DPYD: variants seen among roughly 807,000 people sequenced by gnomAD.
DPYD encodes the protein dihydropyrimidine dehydrogenase.
A neutral mutation model predicts 116.2 loss-of-function variants in DPYD; 109 were observed. The ratio of observed to expected loss-of-function variants is 0.94; its 90% CI spans 0.80 to 1.10. DPYD has a LOEUF of 1.10. DPYD is among the 50% of genes least tolerant of loss of function. DPYD has a pLI of 0.00. For synonymous variants in DPYD, 440 were observed against 432.0 expected, an observed-to-expected ratio of 1.02 and a Z score of -0.23; for missense variants, 1,302 against 1,254.5, an observed-to-expected ratio of 1.04 and a Z score of -0.57.
chr1:97,382,189 T>A (rs536331097), intron 15 of DPYD, among the ~76,000 whole-genome samples: 1 of 152,328 alleles, frequency 6.6e-6, no homozygotes, highest in African/African-American at 2.4e-5. Flanking sequence ...GGGACCGCTT[T>A]TATAGAATAA....
chr1:97,337,280 C>T (rs79132726), intron 16 of DPYD, among the ~76,000 whole-genome samples: 9,746 of 152,184 alleles, frequency 0.064, 418 homozygotes, highest in African/African-American at 0.12. Context: ...AAGTTTGTCT[C>T]CGAAAGGAGA....
At chr1:97,208,076 G>A (rs1283807863) in intron 19 of DPYD, among the ~76,000 whole-genome samples, 1 of 152,126 alleles carries the variant, frequency 6.6e-6, no homozygotes, top group Admixed American at 6.6e-5. Context: ...TGTTTGCTGG[G>A]AATGTAGCCA....
rs530783098 is a variant in DPYD, at chr1:97,704,263, T to C, written c.484-4716A>G. On this transcript the variant is annotated intron_variant, in intron 5 of 22. Coordinates refer to ENST00000370192, the MANE Select transcript of DPYD (RefSeq NM_000110.4). ...AATAAATAGCTCCAAAAATATTTTG[T>C]GGGTGAATGGGGGGTAGTGATTTGT... is the stretch of plus-strand genomic sequence containing the variant. 2.6e-5 allele frequency among the ~76,000 whole-genome samples: 4 copies of C among 152,106 alleles called. No individual in the cohort carries two copies. In the East Asian group the frequency reaches 7.7e-4, roughly 29 times the overall value.
At chr1:97,307,608 T>C (rs1667249354) in intron 16 of DPYD, among the ~76,000 whole-genome samples, 1 of 151,922 alleles carries the variant, frequency 6.6e-6, no homozygotes, top group South Asian at 2.1e-4. Context: ...AAGAAGTCTT[T>C]GGCTTGGCTT....
intron 18 of DPYD, among the ~76,000 whole-genome samples, chr1:97,238,626 T>C (rs1471632347): frequency 6.6e-6 from 1 of 152,154 alleles, no homozygotes; most frequent in Non-Finnish European, 1.5e-5. Flanking sequence ...TCATAAAGAC[T>C]TCCTGAATTA....
chr1:97,216,500 G>T (rs994591658), intron 19 of DPYD, among the ~76,000 whole-genome samples: 37 of 152,194 alleles, frequency 2.4e-4, no homozygotes, highest in African/African-American at 8.4e-4. Flanking sequence ...TTATTTTTAA[G>T]TGTGTGAGAG....
At chr1:97,876,541 C>G (rs557192721) in intron 2 of DPYD, among the ~76,000 whole-genome samples, 1 of 151,980 alleles carries the variant, frequency 6.6e-6, no homozygotes, top group African/African-American at 2.4e-5. Flanking sequence ...CATCTCTCCC[C>G]ACTCCAACAG....
intron 3 of DPYD, among the ~76,000 whole-genome samples, chr1:97,753,040 CATT>C (rs1444202706): frequency 6.6e-6 from 1 of 152,016 alleles, no homozygotes; most frequent in Non-Finnish European, 1.5e-5. Context: ...ATAATTTAAA[CATT>C]ATATTTAATT....
At chr1:97,173,305 T>TATATGCACACATATATACAC (rs1557911770) in intron 20 of DPYD, among the ~76,000 whole-genome samples, 2 of 140,372 alleles carry the variant, frequency 1.4e-5, no homozygotes, top group Middle Eastern at 3.7e-3. Flanking sequence ...CATATGTACA[T>TATATGCACACATATATACAC]ATATATGCAC....
rs1225006086 is a variant in DPYD at position 97,489,834 on chromosome 1, A to G, written c.1740+25892T>C. On this transcript the variant is annotated intron_variant, in intron 13 of 22. Coordinates refer to ENST00000370192, the MANE Select transcript of DPYD (RefSeq NM_000110.4). The stretch of plus-strand genomic sequence containing the variant: ...TGGCACAAAGTCCCATAGCTAATAA[A>G]TTGCAGAGGTGGGATTATTCATTAG... 2.0e-5 allele frequency among the ~76,000 whole-genome samples: 3 copies of G among 152,202 alleles called. No individual in the cohort carries two copies. In the South Asian group the frequency reaches 6.2e-4, roughly 31 times the overall value.
intron 16 of DPYD, among the ~76,000 whole-genome samples, chr1:97,361,212 G>T (rs1670706844): frequency 6.6e-6 from 1 of 152,138 alleles, no homozygotes; most frequent in South Asian, 2.1e-4. Flanking sequence ...AGAAGAAATG[G>T]ATAAATTCCT....
intron 8 of DPYD, among the ~76,000 whole-genome samples, chr1:97,662,093 C>T (rs1393797045): frequency 6.6e-6 from 1 of 150,532 alleles, no homozygotes; most frequent in Non-Finnish European, 1.5e-5. Context: ...CTCCGCCTCC[C>T]AGGTTCACGC....
At chr1:97,193,879 T>C (rs1161169921) in intron 19 of DPYD, among the ~76,000 whole-genome samples, 1 of 152,178 alleles carries the variant, frequency 6.6e-6, no homozygotes, top group African/African-American at 2.4e-5. Flanking sequence ...TTTCCACACA[T>C]GGCTAACTAC....
At chr1:97,531,955 A>G (rs1649657428) in intron 12 of DPYD, among the ~76,000 whole-genome samples, 1 of 151,966 alleles carries the variant, frequency 6.6e-6, no homozygotes, top group Non-Finnish European at 1.5e-5. Flanking sequence ...TGCTTTTTGT[A>G]TGTTGATTTG....
chr1:97,255,492 C>T (rs1349530267), intron 18 of DPYD, among the ~76,000 whole-genome samples: 2 of 151,972 alleles, frequency 1.3e-5, no homozygotes, highest in African/African-American at 2.4e-5. Context: ...AAGAGGAGTT[C>T]CCCTGCACAA....
intron 19 of DPYD, among the ~76,000 whole-genome samples, chr1:97,219,040 T>C (rs1420916962): frequency 2.0e-5 from 3 of 152,160 alleles, no homozygotes; most frequent in South Asian, 2.1e-4. Context: ...AAGATAGTAA[T>C]CATCAGGTAG....
chr1:97,265,660 T>G (rs1664180570), intron 18 of DPYD, among the ~76,000 whole-genome samples: 1 of 152,250 alleles, frequency 6.6e-6, no homozygotes, highest in Non-Finnish European at 1.5e-5. Flanking sequence ...AATCTTATTA[T>G]CTGTTTTTTA....
intron 18 of DPYD, among the ~76,000 whole-genome samples, chr1:97,294,453 T>A (rs1666398504): frequency 6.6e-6 from 1 of 152,160 alleles, no homozygotes; most frequent in African/African-American, 2.4e-5. Flanking sequence ...TTTTTCCTCA[T>A]CTAATGAAAA....
At chr1:97,654,075 C>T (rs1658751663) in intron 8 of DPYD, among the ~76,000 whole-genome samples, 1 of 152,152 alleles carries the variant, frequency 6.6e-6, no homozygotes, top group Non-Finnish European at 1.5e-5. Context: ...TTATCTTAGC[C>T]AACCCAACAA....
Sources: gnomAD v4.1 joint callset for allele counts (sites outside exome capture counted in the v4.1 genomes callset) on GRCh38, gnomAD v4.1.1 for gene constraint, MANE v1.5 for transcripts, NCBI Gene and HGNC (gene_info 2026-07-23, HGNC 2026-07-21) for gene names.